Variants in CNTNAP1 observed in about 807,000 individuals in gnomAD.
The protein encoded by CNTNAP1 is contactin associated protein 1, also known as contactin-associated protein 1.
CNTNAP1 carries 80 observed loss-of-function variants against 161.5 expected under a neutral mutation model. The ratio of observed to expected loss-of-function variants is 0.50; its 90% CI spans 0.41 to 0.60. The LOEUF is 0.60. Ranked by LOEUF, CNTNAP1 falls within the 20% of genes least tolerant of loss-of-function variation. The pLI, the probability that CNTNAP1 is intolerant of heterozygous loss-of-function variation, is 0.00. For missense variants in CNTNAP1, 1,464 were observed against 1,854.8 expected, an observed-to-expected ratio of 0.79 and a Z score of 3.87; for synonymous variants, 695 against 733.1, an observed-to-expected ratio of 0.95 and a Z score of 0.84.
chr17:42,685,483 G>T lies in CNTNAP1; in HGVS notation c.715+63G>T. On this transcript the variant is annotated intron_variant, in intron 5 of 23. Coordinates refer to ENST00000264638, the MANE Select transcript of CNTNAP1 (RefSeq NM_003632.3). The surrounding 1 kb of genome is among the most constrained non-coding windows in gnomAD (Gnocchi z 5.0). The stretch of plus-strand genomic sequence containing the variant: ...CTGAAGCTCTCTCACCGCCCTCCTC[G>T]TGGCACCTCCTCCGCGCATCCGCGC... 1 of 1,483,624 alleles carries T rather than the reference G, an allele frequency of 6.7e-7. No homozygotes were observed. The highest frequency in any genetic ancestry group is 9.1e-7 in the Non-Finnish European group (1 of 1,094,630). 91.9% of individuals were successfully genotyped at this position (1,483,624 alleles called of 1,614,324 possible). A position where few individuals can be genotyped will look rare whatever the true frequency, so the allele number is the denominator to read the frequency against.
chr17:42,697,449 G>C (rs1198418227), intron 21 of CNTNAP1, 82 bp downstream of exon 21: 1 of 1,608,400 alleles, frequency 6.2e-7, no homozygotes, highest in East Asian at 2.2e-5. Flanking sequence ...AAGGCCCTGG[G>C]AATGGCTGAG....
chr17:42,687,522 G>A lies in CNTNAP1; in HGVS notation c.1045-198G>A, dbSNP rs2143654782. On this transcript the variant is annotated intron_variant, in intron 7 of 23. Coordinates refer to ENST00000264638, the MANE Select transcript of CNTNAP1 (RefSeq NM_003632.3). This position sits in a 1 kb window ranked among gnomAD's most constrained non-coding sequence, Gnocchi z 4.7. ...AGCGAGAGCAAGCGAGCAGAGTTCC[G>A]AGGGCCGACTGGGTTGGGGCCCCCT... 1 of 644,546 alleles carries A rather than the reference G, an allele frequency of 1.6e-6. No individual in the cohort carries two copies. The highest frequency in any genetic ancestry group is 2.8e-5 in the East Asian group (1 of 36,166). 39.9% of individuals were successfully genotyped at this position (644,546 alleles called of 1,614,324 possible). A position where few individuals can be genotyped will look rare whatever the true frequency, so the allele number is the denominator to read the frequency against.
At chr17:42,692,475 C>T in intron 16 of CNTNAP1, 24 bp from the exon 17 acceptor site, 1 of 1,600,552 alleles carries the variant, frequency 6.2e-7, no homozygotes, top group Non-Finnish European at 8.6e-7. Flanking sequence ...CCTTTTCTCC[C>T]CTACCCTGCA....
At chr17:42,689,111 G>A (rs1246278325) in intron 10 of CNTNAP1, 64 bp downstream of exon 10, 6 of 1,462,194 alleles carry the variant, frequency 4.1e-6, no homozygotes, top group South Asian at 4.1e-5. Context: ...CTCCCAGTAG[G>A]AATGGCCTCT....
Position 42,690,871 on chromosome 17 carries a change from C to A in CNTNAP1, c.1988C>A (p.Ala663Asp). The change falls in exon 13 of 24, where the codon GCC becomes GAC. Residue 663 changes from alanine to aspartate, a missense_variant. Physicochemically the swap from Ala to Asp is moderately radical, Grantham distance 126. Around this residue, in one of 3 missense-constraint regions of CNTNAP1, gnomAD observed 1,383 missense variants for 1,765.0 expected, o/e 0.78. Transcript: ENST00000264638. ...NASWEEVSALANASQHCEQWI... is the reference protein window; with the variant it reads ...NASWEEVSALDNASQHCEQWI... ...TCCTGGGAGGAAGTCAGTGCCCTTG[C>A]CAATGCTTCCCAGCATTGTGAACAG... 1 of 1,614,222 alleles carries A rather than the reference C, an allele frequency of 6.2e-7. No homozygotes were observed. Among genetic ancestry groups the A allele is most frequent in the Non-Finnish European group, 8.5e-7 (1 of 1,180,030 alleles).
At position 42,682,917 on chromosome 17, in the gene CNTNAP1, C is replaced by T. The variant is rs764995346; in HGVS notation, c.67+21C>T. On this transcript the variant is annotated intron_variant, in intron 1 of 23. Transcript: ENST00000264638. ...CTACTGTGAGTGTTGGGCTTGGAGGCAGGTGGGGTTGGGCCCAGGAGTCCA... is the reference window on the plus strand; with the variant it reads ...CTACTGTGAGTGTTGGGCTTGGAGGTAGGTGGGGTTGGGCCCAGGAGTCCA... 4.4e-6 allele frequency: 7 copies of T among 1,588,538 alleles called. No homozygotes were observed. In the East Asian group the frequency reaches 1.6e-4, roughly 36 times the overall value.
Position 42,686,480 on chromosome 17 carries a change from T to TG in CNTNAP1, c.900+339_900+340insG, listed in dbSNP as rs1555642218. 2.0e-3 allele frequency among the ~76,000 whole-genome samples: 265 copies of TG among 132,072 alleles called. 3 individuals are homozygous for TG. The highest frequency in any genetic ancestry group is 6.9e-3 in the Middle Eastern group (2 of 288). The allele number at this position is 132,072 out of a possible 152,430, so 86.6% of individuals were successfully genotyped here. ...CCAGAAAAAGGCCTGTTTTTTTTTT[T>TG]TTTTTTTTTTTTTGTGGGTGTTGTT... On this transcript the variant is annotated intron_variant, in intron 6 of 23. Coordinates refer to ENST00000264638, the MANE Select transcript of CNTNAP1 (RefSeq NM_003632.3).
intron 10 of CNTNAP1, 107 bp from the exon 11 acceptor site, chr17:42,689,414 A>C (rs2053057309): frequency 1.2e-6 from 1 of 863,862 alleles, no homozygotes; most frequent in South Asian, 1.6e-5. Flanking sequence ...GGTGTGTCTC[A>C]CCGGGTTCTG....
At chr17:42,684,907 AGAGC>A in intron 3 of CNTNAP1, 80 bp from the exon 4 acceptor site, 3 of 1,484,574 alleles carry the variant, frequency 2.0e-6, no homozygotes, top group Non-Finnish European at 2.7e-6. Flanking sequence ...CCTGGGCGAC[AGAGC>A]GAGACTCTGT....
At chr17:42,688,654 G>A (rs1253709695) in intron 9 of CNTNAP1, 43 bp downstream of exon 9, 4 of 1,613,050 alleles carry the variant, frequency 2.5e-6, no homozygotes, top group Non-Finnish European at 2.5e-6. Flanking sequence ...TTCTGGGTGG[G>A]AAGGCTCCAT....
At chr17:42,688,431 T>G (rs1177935209) in intron 8 of CNTNAP1, 31 bp from the exon 9 acceptor site, 1 of 1,614,034 alleles carries the variant, frequency 6.2e-7, no homozygotes, top group East Asian at 2.2e-5. Flanking sequence ...GCTGCTTCCC[T>G]CCACCCACAC....
chr17:42,689,123 T>C (rs1439080628), intron 10 of CNTNAP1, 76 bp downstream of exon 10: 2 of 1,398,322 alleles, frequency 1.4e-6, no homozygotes, highest in African/African-American at 1.4e-5. Context: ...ATGGCCTCTT[T>C]CAATAATCTC....
Position 42,691,862 on chromosome 17 carries a change from A to G in CNTNAP1, c.2401A>G (p.Ile801Val), listed in dbSNP as rs758640560. 3.2e-5 allele frequency: 52 copies of G among 1,613,836 alleles called. No individual in the cohort carries two copies. Among genetic ancestry groups the G allele is most frequent in the Middle Eastern group, 1.6e-4 (1 of 6,084 alleles). ...HTGAALRFPP[I>V]RANHSLDVSF... ...CGGGGCTGCACTACGCTTCCCCCCA[A>G]TCCGTGCCAACCACAGCCTGGATGT... The change falls in exon 16 of 24, where the codon ATC (isoleucine) becomes GTC (valine). Residue 801 changes from isoleucine to valine, a missense_variant. By Grantham distance (29) the Ile-to-Val change is conservative. Around this residue, in one of 3 missense-constraint regions of CNTNAP1, gnomAD observed 1,383 missense variants for 1,765.0 expected, o/e 0.78. Coordinates refer to ENST00000264638, the MANE Select transcript of CNTNAP1 (RefSeq NM_003632.3). The surrounding 1 kb of genome is among the most constrained non-coding windows in gnomAD (Gnocchi z 4.3).
Position 42,685,760 on chromosome 17 carries a change from A to C in CNTNAP1, c.716-197A>C, listed in dbSNP as rs2052997889. ...CCCGCACATGAAATAGAAGCAGCTC[A>C]TGTGTTCCCAGTTTTACAGACAGGA... On this transcript the variant is annotated intron_variant, in intron 5 of 23. Transcript: ENST00000264638. The surrounding 1 kb of genome is among the most constrained non-coding windows in gnomAD (Gnocchi z 5.0). Among the ~76,000 whole-genome samples the C allele has an allele frequency of 1.3e-5, 2 of 152,186 alleles. No homozygotes were observed. The highest frequency in any genetic ancestry group is 6.5e-5 in the Admixed American group (1 of 15,282).
chr17:42,691,264 C>T lies in CNTNAP1; in HGVS notation c.2187C>T (p.Tyr729=), dbSNP rs779687503. The change falls in exon 14 of 24, where the codon TAC becomes TAT. Residue 729 remains tyrosine, a synonymous_variant. Coordinates refer to ENST00000264638, the MANE Select transcript of CNTNAP1 (RefSeq NM_003632.3). The surrounding 1 kb of genome is among the most constrained non-coding windows in gnomAD (Gnocchi z 4.3). ...GGAGCTGTGTGGACCCTGCCTTGTA[C>T]TGCAACTGTGACGCTGACCAGCCCC... is the stretch of plus-strand genomic sequence containing the variant. ...LDRSCVDPAL[Y]CNCDADQPQW... 32 of 1,614,078 alleles carry T rather than the reference C, an allele frequency of 2.0e-5. No homozygotes were observed. Among genetic ancestry groups the T allele is most frequent in the Non-Finnish European group, 2.5e-5 (30 of 1,180,036 alleles).
chr17:42,686,302 G>T (rs569339418), intron 6 of CNTNAP1, among the ~76,000 whole-genome samples, 161 bp downstream of exon 6: 2 of 152,088 alleles, frequency 1.3e-5, no homozygotes, highest in East Asian at 3.9e-4. Flanking sequence ...ACTTTGGGAG[G>T]CTGAGGTGGG....
Position 42,690,952 on chromosome 17 carries a change from G to A in CNTNAP1, c.2059+10G>A, listed in dbSNP as rs569044564. On this transcript the variant is annotated intron_variant, in intron 13 of 23. Coordinates refer to ENST00000264638, the MANE Select transcript of CNTNAP1 (RefSeq NM_003632.3). Reference sequence around the variant, plus strand: ...CTGCTCAACACTGCAGGTTAGGGCTGGGGTCAGGGAGGTGGCGGAACTGGA... The same window carrying A: ...CTGCTCAACACTGCAGGTTAGGGCTAGGGTCAGGGAGGTGGCGGAACTGGA... The A allele has an allele frequency of 5.6e-5, 90 of 1,613,978 alleles. No individual in the cohort carries two copies. In the South Asian group the frequency reaches 9.2e-4, roughly 17 times the overall value.
rs536321403 is a variant in CNTNAP1, at chr17:42,688,075, A to C, written c.1306+94A>C. On this transcript the variant is annotated intron_variant, in intron 8 of 23. Transcript: ENST00000264638. ...CTGGACTGAGGCCTTTACATTCTGG[A>C]GAGGGGAGAGGAGTGAAGGGGGCAG... 114 of 1,504,456 alleles carry C rather than the reference A, an allele frequency of 7.6e-5. 1 individual carries two copies. In the African/African-American group the frequency reaches 1.5e-3, roughly 19 times the overall value. The allele number at this position is 1,504,456 out of a possible 1,614,324, so 93.2% of individuals were successfully genotyped here.
Position 42,696,110 on chromosome 17 carries a change from T to C in CNTNAP1, c.3432T>C (p.His1144=), listed in dbSNP as rs1353305569. The change falls in exon 20 of 24, where the codon CAT becomes CAC. Residue 1144 remains histidine (H), a synonymous_variant. Transcript: ENST00000264638. ...GACCAGTGACCGATGGCCAGCCCCA[T>C]AGCATCAATATCACCCGTGTTTACC... ...TTRPVTDGQP[H]SINITRVYRN... is the part of the protein sequence containing the mutation. The C allele has an allele frequency of 1.1e-5, 17 of 1,614,002 alleles. No individual in the cohort carries two copies. The highest frequency in any genetic ancestry group is 2.7e-5 in the African/African-American group (2 of 74,890).
Sources: gnomAD v4.1 joint callset for allele counts (sites outside exome capture counted in the v4.1 genomes callset) on GRCh38, gnomAD v4.1.1 for gene constraint, gnomAD v4.1.1 regional missense constraint, Gnocchi (gnomAD v3.1) non-coding constraint, MANE v1.5 for transcripts, NCBI Gene and HGNC (gene_info 2026-07-23, HGNC 2026-07-21) for gene names.